Variants in PHF8 observed in about 807,000 individuals in gnomAD.
PHF8 encodes PHD finger protein 8, also known as histone lysine demethylase PHF8.
Under a neutral mutation model 74.4 loss-of-function variants are expected in PHF8, and 9 were observed. That is an observed-to-expected ratio of 0.12 (90% confidence interval 0.07 to 0.21). The LOEUF is 0.21. PHF8 is among the 10% of genes least tolerant of loss of function. The pLI, the probability that PHF8 is intolerant of heterozygous loss-of-function variation, is 1.00. For synonymous variants in PHF8, 311 were observed against 316.6 expected (o/e 0.98, Z 0.19); for missense variants, 478 against 816.6 (o/e 0.59, Z 5.05).
chrX:53,957,558 C>A (rs2065033887), intron 19 of PHF8, among the ~76,000 whole-genome samples: 1 of 110,703 alleles, frequency 9.0e-6, no homozygotes, highest in Non-Finnish European at 1.9e-5. Context: ...AACAAAAAAA[C>A]CCTCATGGTA....
At chrX:53,980,258 A>G (rs1185390692) in intron 18 of PHF8, among the ~76,000 whole-genome samples, 3 of 111,553 alleles carry the variant, frequency 2.7e-5, no homozygotes, top group Admixed American at 1.9e-4. Flanking sequence ...GAATGTAACT[A>G]TATTTAGAGA....
At chrX:54,019,621 T>C (rs782583678) in intron 4 of PHF8, among the ~76,000 whole-genome samples, 2 of 104,374 alleles carry the variant, frequency 1.9e-5, no homozygotes, top group Non-Finnish European at 3.9e-5. Context: ...TGAAACCCCA[T>C]CTCTACTAAA....
chrX:53,993,962 A>AACAGCAGAG (rs2065709323), intron 12 of PHF8, 59 bp from the exon 13 acceptor site: 2 of 874,447 alleles, frequency 2.3e-6, no homozygotes, highest in Middle Eastern at 2.7e-4. Context: ...TCTCAACACT[A>AACAGCAGAG]ACAGCAGAGG....
intron 19 of PHF8, among the ~76,000 whole-genome samples, chrX:53,957,226 C>T (rs1557089009): frequency 1.9e-5 from 2 of 107,594 alleles, no homozygotes; most frequent in African/African-American, 6.8e-5. Context: ...TGCGGTGGTG[C>T]GTGCCTGTAG....
upstream of PHF8, chrX:54,044,855 G>A (rs1487611334): frequency 7.0e-6 from 8 of 1,145,289 alleles, no homozygotes; most frequent in Non-Finnish European, 8.2e-6. Context: ...CTTCAGCCGG[G>A]GTAGAGGCGG....
chrX:53,970,734 C>T (rs2149808050), intron 18 of PHF8, among the ~76,000 whole-genome samples: 1 of 111,030 alleles, frequency 9.0e-6, no homozygotes, highest in East Asian at 2.8e-4. Context: ...CAACAAAGAT[C>T]AAAAATGACA....
chrX:53,992,939 ACCAC>A (rs2065690062), intron 13 of PHF8, 100 bp from the exon 14 acceptor site: 5 of 569,605 alleles, frequency 8.8e-6, no homozygotes, highest in Non-Finnish European at 1.5e-5. Context: ...CACTGTCAAA[ACCAC>A]CTGAGCCAAG....
intron 8 of PHF8, among the ~76,000 whole-genome samples, chrX:54,010,839 T>A (rs1249244313): frequency 9.0e-6 from 1 of 111,033 alleles, no homozygotes; most frequent in Non-Finnish European, 1.9e-5. Flanking sequence ...GCACTATCCC[T>A]AGAGTTACGG....
At chrX:54,032,377 C>G (rs1255925125) in intron 2 of PHF8, among the ~76,000 whole-genome samples, 1 of 110,690 alleles carries the variant, frequency 9.0e-6, no homozygotes, top group Non-Finnish European at 1.9e-5. Flanking sequence ...ACCTCAGCTT[C>G]TATTACTCTC....
chrX:53,966,957 A>G (rs1305616856), intron 18 of PHF8, among the ~76,000 whole-genome samples: 2 of 101,441 alleles, frequency 2.0e-5, no homozygotes, highest in Non-Finnish European at 4.0e-5. Flanking sequence ...GTCTCTGCCC[A>G]GCCGCCCCAT....
chrX:53,941,373 C>G (rs940115829), intron 20 of PHF8, among the ~76,000 whole-genome samples: 1 of 112,125 alleles, frequency 8.9e-6, no homozygotes, highest in Non-Finnish European at 1.9e-5. Context: ...GTGGGCTTGA[C>G]AATCCTCCAG....
Position 54,017,680 on chromosome X carries a change from C to T in PHF8, c.435G>A (p.Arg145=), listed in dbSNP as rs1557108613. Residue 145 remains arginine, a synonymous_variant, in exon 5 of 22, where the codon AGG becomes AGA. Transcript: ENST00000338154. ...TCTTACCAACATAGTGTTCAACATC[C>T]CTCACAGTGAATGATGGCGAGGGCA... ...MTLPSPSFTV[R]DVEHYVGSDK... 1 of 1,208,711 alleles carries T rather than the reference C, an allele frequency of 8.3e-7. No individual in the cohort carries two copies. The highest frequency in any genetic ancestry group is 2.2e-5 in the Admixed American group (1 of 45,986).
In PHF8 at chrX:53,938,357, G is replaced by A; in HGVS notation, c.*801C>T. 1.1e-6 allele frequency: 1 copy of A among 925,844 alleles called. No homozygotes were observed. Among genetic ancestry groups the A allele is most frequent in the Non-Finnish European group, 1.3e-6 (1 of 745,108 alleles). The allele number at this position is 925,844 out of a possible 1,213,427, so 76.3% of individuals were successfully genotyped here. ...CAGCCACGTGGATAATGTTCTACAT[G>A]ATTTCAAAATCCAGGCAAATCCCTG... On this transcript the variant is annotated 3_prime_UTR_variant, in exon 22 of 22. Coordinates refer to ENST00000338154, the MANE Select transcript of PHF8 (RefSeq NM_015107.3).
intron 18 of PHF8, among the ~76,000 whole-genome samples, chrX:53,969,015 G>C (rs782812782): frequency 8.9e-6 from 1 of 111,877 alleles, no homozygotes; most frequent in Admixed American, 9.5e-5. Flanking sequence ...CGGGCAGATA[G>C]CTTGAGCTCA....
At chrX:54,010,544 T>G (rs2065968139) in intron 8 of PHF8, among the ~76,000 whole-genome samples, 1 of 111,233 alleles carries the variant, frequency 9.0e-6, no homozygotes, top group Non-Finnish European at 1.9e-5. Flanking sequence ...TACTATACAT[T>G]TTAAGAAAAT....
At chrX:53,945,105 G>A (rs1206719337) in intron 19 of PHF8, among the ~76,000 whole-genome samples, 1 of 110,249 alleles carries the variant, frequency 9.1e-6, no homozygotes, top group Non-Finnish European at 1.9e-5. Flanking sequence ...CAGCACTTTG[G>A]GAGGCCGAGG....
intron 19 of PHF8, among the ~76,000 whole-genome samples, chrX:53,959,950 T>C (rs1288947924): frequency 2.7e-5 from 3 of 109,224 alleles, no homozygotes; most frequent in Non-Finnish European, 5.7e-5. Flanking sequence ...GGTGGCATAC[T>C]TCTCTTGAGT....
At chrX:54,021,451 A>AT (rs1305246180) in intron 4 of PHF8, among the ~76,000 whole-genome samples, 14 of 80,447 alleles carry the variant, frequency 1.7e-4, no homozygotes, top group East Asian at 1.5e-3. Context: ...CAAAGTTGCA[A>AT]TTATTTTTTT....
At chrX:54,004,720 G>A (rs1224972345) in intron 8 of PHF8, among the ~76,000 whole-genome samples, 1 of 110,268 alleles carries the variant, frequency 9.1e-6, no homozygotes, top group Non-Finnish European at 1.9e-5. Flanking sequence ...CACGAGGTCA[G>A]GAGCTTCAGA....
Sources: gnomAD v4.1 joint callset for allele counts (sites outside exome capture counted in the v4.1 genomes callset) on GRCh38, gnomAD v4.1.1 for gene constraint, MANE v1.5 for transcripts, NCBI Gene and HGNC (gene_info 2026-07-23, HGNC 2026-07-21) for gene names.